The following GUCY1A2 variants were observed in gnomAD, a reference collection of about 807,000 sequenced individuals.
GUCY1A2 encodes guanylate cyclase 1 soluble subunit alpha 2.
A neutral mutation model predicts 63.5 loss-of-function variants in GUCY1A2; 27 were observed. The ratio of observed to expected loss-of-function variants is 0.43; its 90% confidence interval spans 0.31 to 0.59. The LOEUF (loss-of-function observed/expected upper bound fraction) is 0.59. Ranked by LOEUF, GUCY1A2 falls within the 20% of genes least tolerant of loss-of-function variation. The pLI, the probability that GUCY1A2 is intolerant of heterozygous loss-of-function variation, is 0.11. For missense variants in GUCY1A2, 768 were observed against 913.3 expected (o/e 0.84, Z 2.05); for synonymous variants, 364 against 343.5 (o/e 1.06, Z -0.66).
intron 6 of GUCY1A2, among the ~76,000 whole-genome samples, chr11:106,712,074 A>G (rs1172715569): frequency 6.6e-6 from 1 of 151,626 alleles, no homozygotes; most frequent in African/African-American, 2.4e-5. Flanking sequence ...TATAGTTTTT[A>G]TCAAATTTGG....
At chr11:106,905,441 A>G (rs1860191478) in intron 4 of GUCY1A2, among the ~76,000 whole-genome samples, 1 of 152,126 alleles carries the variant, frequency 6.6e-6, no homozygotes, top group African/African-American at 2.4e-5. Context: ...CTATCAGACC[A>G]GGGCTCCAAC....
intron 4 of GUCY1A2, among the ~76,000 whole-genome samples, chr11:106,848,555 C>T (rs1158838035): frequency 2.6e-5 from 4 of 151,614 alleles, no homozygotes. Context: ...ATTTTGGAAG[C>T]ACCCCAAAGT....
chr11:106,740,415 A>G (rs1863673271), intron 6 of GUCY1A2, among the ~76,000 whole-genome samples: 1 of 152,080 alleles, frequency 6.6e-6, no homozygotes, highest in African/African-American at 2.4e-5. Flanking sequence ...TTATTTTTCT[A>G]TGGTTGGCCA....
At chr11:106,759,577 T>G (rs1864029884) in intron 6 of GUCY1A2, among the ~76,000 whole-genome samples, 1 of 152,238 alleles carries the variant, frequency 6.6e-6, no homozygotes, top group African/African-American at 2.4e-5. Flanking sequence ...TTGAAAATTA[T>G]TAATATGAGT....
intron 4 of GUCY1A2, among the ~76,000 whole-genome samples, chr11:106,927,904 A>G (rs1422421504): frequency 6.6e-6 from 1 of 152,144 alleles, no homozygotes; most frequent in Non-Finnish European, 1.5e-5. Flanking sequence ...AGAACAGGGT[A>G]GAATGGTAAT....
intron 6 of GUCY1A2, among the ~76,000 whole-genome samples, chr11:106,768,362 A>G (rs1384958440): frequency 6.6e-6 from 1 of 152,132 alleles, no homozygotes; most frequent in Admixed American, 6.6e-5. Flanking sequence ...TTTAAAATAG[A>G]GAACTTACTT....
rs574985864 is a variant in GUCY1A2, at chr11:106,744,048, T to A, written c.1836+32391A>T. Among the ~76,000 whole-genome samples, 3 of 152,256 alleles carry A rather than the reference T, an allele frequency of 2.0e-5. No homozygotes were observed. The South Asian group carries it at 6.2e-4, about 32-fold the overall frequency. On this transcript the variant is annotated intron_variant, in intron 6 of 7. Transcript: ENST00000526355. ...AACGACCAAGAAGACCATGGATGTA[T>A]AACATACATCATTATTAAATAAGGA...
At chr11:106,991,881 G>A (rs900904916) in intron 1 of GUCY1A2, among the ~76,000 whole-genome samples, 7 of 152,132 alleles carry the variant, frequency 4.6e-5, no homozygotes, top group South Asian at 2.1e-4. Flanking sequence ...AATGACTACC[G>A]TGTTTTACGC....
intron 3 of GUCY1A2, among the ~76,000 whole-genome samples, chr11:106,978,162 A>G (rs1295311951): frequency 6.6e-6 from 1 of 152,130 alleles, no homozygotes; most frequent in Non-Finnish European, 1.5e-5. Context: ...ACACCTCAGG[A>G]GATGACCTGC....
At chr11:106,771,483 C>A (rs1340267077) in intron 6 of GUCY1A2, among the ~76,000 whole-genome samples, 1 of 152,172 alleles carries the variant, frequency 6.6e-6, no homozygotes, top group South Asian at 2.1e-4. Flanking sequence ...CATGGTGGCT[C>A]ATGCCTGTAA....
chr11:106,867,006 AC>A (rs1418828025), intron 4 of GUCY1A2, among the ~76,000 whole-genome samples: 1 of 152,004 alleles, frequency 6.6e-6, no homozygotes, highest in Non-Finnish European at 1.5e-5. Flanking sequence ...TATTAACCAA[AC>A]TTTCTTTAGA....
At chr11:106,829,701 T>C (rs1244711391) in intron 4 of GUCY1A2, among the ~76,000 whole-genome samples, 3 of 152,180 alleles carry the variant, frequency 2.0e-5, no homozygotes, top group African/African-American at 7.2e-5. Context: ...AGTGTTTGGT[T>C]GGGGTGACTG....
intron 6 of GUCY1A2, among the ~76,000 whole-genome samples, chr11:106,747,280 G>C (rs904044230): frequency 1.4e-5 from 2 of 148,030 alleles, no homozygotes; most frequent in African/African-American, 4.8e-5. Context: ...AAGCCACCGC[G>C]CCCGGCCCAT....
Position 106,685,789 on chromosome 11 carries a change from T to G in GUCY1A2, c.*1760A>C, listed in dbSNP as rs566676715. The G allele has an allele frequency of 3.2e-4, 72 of 226,568 alleles. No homozygotes were observed. Among genetic ancestry groups the G allele is most frequent in the Non-Finnish European group, 5.6e-4 (64 of 113,900 alleles). 14.0% of individuals were successfully genotyped at this position (226,568 alleles called of 1,614,324 possible). A position where few individuals can be genotyped will look rare whatever the true frequency, so the allele number is the denominator to read the frequency against. On this transcript the variant is annotated 3_prime_UTR_variant, in exon 8 of 8. Transcript: ENST00000526355. ...AGAGCTCAAGGTCTATTTCCTGTCT[T>G]CTCCATATAAAGAGTGTTGCACTCG...
At position 106,708,634 on chromosome 11, in the gene GUCY1A2, C is replaced by G. The variant is rs775627214; in HGVS notation, c.1869G>C (p.Leu623=). ...MRIGIHSGSV[L]AGVVGVRMPR... Reference sequence around the variant, plus strand: ...GCATTCGCACCCCAACAACTCCAGCCAGCACGGAGCCTGAGTGAATTCCTA... The same window carrying G: ...GCATTCGCACCCCAACAACTCCAGCGAGCACGGAGCCTGAGTGAATTCCTA... Residue 623 remains leucine (L), a synonymous_variant, in exon 7 of 8, where the codon CTG becomes CTC. Transcript: ENST00000526355. 1.9e-6 allele frequency: 3 copies of G among 1,610,458 alleles called. No individual in the cohort carries two copies. The highest frequency in any genetic ancestry group is 2.5e-6 in the Non-Finnish European group (3 of 1,177,998).
chr11:106,854,863 G>A (rs1337944022), intron 4 of GUCY1A2, among the ~76,000 whole-genome samples: 2 of 152,096 alleles, frequency 1.3e-5, no homozygotes, highest in Non-Finnish European at 2.9e-5. Context: ...GCTCTGGGGA[G>A]TATCAGTACT....
rs1429728458 is a variant in GUCY1A2 at position 106,687,279 on chromosome 11, G to A, written c.*270C>T. On this transcript the variant is annotated 3_prime_UTR_variant, in exon 8 of 8. Transcript: ENST00000526355. Reference sequence around the variant, plus strand: ...CTATTTATTGGTTAGTTCTGAAAGGGGACCCACACTTGTAATTAAAATATA... The same window carrying A: ...CTATTTATTGGTTAGTTCTGAAAGGAGACCCACACTTGTAATTAAAATATA... The A allele has an allele frequency of 1.1e-5, 4 of 374,896 alleles. No individual in the cohort carries two copies. The highest frequency in any genetic ancestry group is 4.1e-5 in the East Asian group (1 of 24,424). The allele number at this position is 374,896 out of a possible 1,614,324, so 23.2% of individuals were successfully genotyped here.
At chr11:106,723,805 CA>C (rs1863357944) in intron 6 of GUCY1A2, among the ~76,000 whole-genome samples, 1 of 151,488 alleles carries the variant, frequency 6.6e-6, no homozygotes, top group South Asian at 2.1e-4. Context: ...GCCTGGGCAA[CA>C]AGAGCGAAAC....
intron 4 of GUCY1A2, among the ~76,000 whole-genome samples, chr11:106,871,711 C>G (rs1859680445): frequency 6.6e-6 from 1 of 152,060 alleles, no homozygotes; most frequent in Non-Finnish European, 1.5e-5. Flanking sequence ...TTCTGGGACT[C>G]AACAAATGTG....
Sources: allele counts gnomAD v4.1 joint callset (sites outside exome capture counted in the v4.1 genomes callset), GRCh38; gene constraint gnomAD v4.1.1; transcripts MANE v1.5; gene names NCBI Gene and HGNC (gene_info 2026-07-23, HGNC 2026-07-21).